The following RIMS2 variants were observed in gnomAD, a reference collection of about 807,000 sequenced individuals.
RIMS2 encodes regulating synaptic membrane exocytosis 2, also known as regulating synaptic membrane exocytosis protein 2.
A neutral mutation model predicts 174.4 loss-of-function variants in RIMS2; 59 were observed. The ratio of observed to expected loss-of-function variants is 0.34; its 90% CI spans 0.27 to 0.42. The LOEUF is 0.42. Among genes scored for constraint, RIMS2 ranks in the 10% least tolerant of loss-of-function variants. The pLI is 1.00. For synonymous variants in RIMS2, 606 were observed against 572.5 expected (o/e 1.06, Z -0.84); for missense variants, 1,620 against 1,666.3 (o/e 0.97, Z 0.48).
intron 19 of RIMS2, among the ~76,000 whole-genome samples, chr8:104,151,193 G>T (rs2134091403): frequency 6.6e-6 from 1 of 152,258 alleles, no homozygotes; most frequent in Admixed American, 6.5e-5. Flanking sequence ...GGAGGTGAAG[G>T]AGAGAAAATT....
At chr8:103,647,896 A>ATTTTTTTTTTTTTT (rs71297225) in intron 1 of RIMS2, among the ~76,000 whole-genome samples, 10 of 114,572 alleles carry the variant, frequency 8.7e-5, no homozygotes, top group Non-Finnish European at 1.5e-4. Flanking sequence ...TTTTTTTTTG[A>ATTTTTTTTTTTTTT]TTTTTTTTTT....
At chr8:103,612,209 T>G (rs1256567592) in intron 1 of RIMS2, among the ~76,000 whole-genome samples, 1 of 152,212 alleles carries the variant, frequency 6.6e-6, no homozygotes, top group African/African-American at 2.4e-5. Context: ...TTGAATTTCT[T>G]TGAGTTTTCT....
chr8:104,063,531 G>A lies in RIMS2; in HGVS notation c.3334+48916G>A, dbSNP rs958453248. Among the ~76,000 whole-genome samples, 27 of 152,144 alleles carry A rather than the reference G, an allele frequency of 1.8e-4. 1 individual carries two copies. The highest frequency in any genetic ancestry group is 3.1e-4 in the Non-Finnish European group (21 of 68,028). Reference sequence around the variant, plus strand: ...GAAGAGATGGGGTAAGGAATAGAGGGAATGTTTTTAAGTAATTAAATTACC... The same window carrying A: ...GAAGAGATGGGGTAAGGAATAGAGGAAATGTTTTTAAGTAATTAAATTACC... On this transcript the variant is annotated intron_variant, in intron 19 of 23. Coordinates refer to ENST00000504942, the Ensembl canonical transcript of RIMS2.
rs761232109 is a variant in RIMS2, at chr8:103,800,828, T to C, written c.698+34291T>C. Among the ~76,000 whole-genome samples the C allele has an allele frequency of 2.6e-5, 4 of 152,196 alleles. No homozygotes were observed. The South Asian group carries it at 8.3e-4, about 31-fold the overall frequency. ...CATCATTGATTTAATCAGGGAATGC[T>C]GGCCTCCTAAGATAAGTTAGGAAAT... is the stretch of plus-strand genomic sequence containing the variant. On this transcript the variant is annotated intron_variant, in intron 3 of 23. Transcript: ENST00000504942.
chr8:103,606,658 G>C (rs1011597473), intron 1 of RIMS2, among the ~76,000 whole-genome samples: 17 of 152,238 alleles, frequency 1.1e-4, no homozygotes, highest in East Asian at 3.9e-4. Flanking sequence ...AGGTCACTCA[G>C]GACTTGCTCT....
intron 19 of RIMS2, among the ~76,000 whole-genome samples, chr8:104,170,183 T>A (rs1237014072): frequency 2.0e-5 from 3 of 152,120 alleles, no homozygotes; most frequent in Non-Finnish European, 2.9e-5. Context: ...TAAGTTCGTT[T>A]GTTCTATGGT....
rs2096560595 is a variant in RIMS2, at chr8:103,658,690, G to A, written c.177-38396G>A. Among the ~76,000 whole-genome samples, 3 of 152,176 alleles carry A rather than the reference G, an allele frequency of 2.0e-5. No individual in the cohort carries two copies. The South Asian group carries it at 6.2e-4, about 32-fold the overall frequency. ...GGGTCAACGTTTTGGAGCTTTTAAT[G>A]GAAGTGCTAATTATTAGCATGACTT... On this transcript the variant is annotated intron_variant, in intron 1 of 23. Transcript: ENST00000504942.
At chr8:103,955,123 A>G (rs1315355036) in intron 14 of RIMS2, among the ~76,000 whole-genome samples, 1 of 152,166 alleles carries the variant, frequency 6.6e-6, no homozygotes, top group Non-Finnish European at 1.5e-5. Context: ...TACCCAATCA[A>G]AAAAAGTCCA....
intron 2 of RIMS2, among the ~76,000 whole-genome samples, chr8:103,706,308 T>C (rs1442173927): frequency 6.6e-6 from 1 of 152,192 alleles, no homozygotes; most frequent in Non-Finnish European, 1.5e-5. Context: ...GGTAAACTTT[T>C]AGTCTTCATA....
intron 3 of RIMS2, chr8:103,819,774 C>G (rs978693069): frequency 1.0e-5 from 6 of 579,486 alleles, no homozygotes; most frequent in Non-Finnish European, 1.7e-5. Flanking sequence ...ATATAGCATT[C>G]TTAATTTGAT....
At chr8:103,595,868 CT>C (rs971268095) in intron 1 of RIMS2, among the ~76,000 whole-genome samples, 5 of 151,860 alleles carry the variant, frequency 3.3e-5, no homozygotes, top group African/African-American at 7.2e-5. Context: ...CCTCTTCCAT[CT>C]TTTTTTTCCT....
At chr8:103,925,777 G>T (rs574382665) in intron 10 of RIMS2, among the ~76,000 whole-genome samples, 1 of 151,574 alleles carries the variant, frequency 6.6e-6, no homozygotes, top group East Asian at 1.9e-4. Flanking sequence ...GAGTGATTAC[G>T]TAAAGTTCAG....
intron 19 of RIMS2, chr8:104,094,643 AAC>A (rs2097724312): frequency 1.4e-6 from 1 of 702,112 alleles, no homozygotes; most frequent in Non-Finnish European, 2.6e-6. Context: ...ACGAGGAAAA[AAC>A]ACAAGATATA....
intron 3 of RIMS2, among the ~76,000 whole-genome samples, chr8:103,804,305 T>C (rs1331646729): frequency 1.3e-5 from 2 of 152,180 alleles, no homozygotes; most frequent in East Asian, 1.9e-4. Flanking sequence ...TTTAGTATTA[T>C]GCATATAGGT....
At chr8:103,992,274 A>ATTT (rs1186537194) in intron 17 of RIMS2, among the ~76,000 whole-genome samples, 3,581 of 106,842 alleles carry the variant, frequency 0.034, 143 homozygotes, top group African/African-American at 0.074. Context: ...ATGTCCAGCT[A>ATTT]TTTTTTTTTT....
chr8:104,248,931 C>G (rs62508133), intron 21 of RIMS2, 118 bp downstream of exon 27: 2 of 498,592 alleles, frequency 4.0e-6, no homozygotes, highest in Non-Finnish European at 6.6e-6. Context: ...CTCTCTCCCT[C>G]TATTTTTTTT....
At position 103,988,691 on chromosome 8, in the gene RIMS2, C is replaced by T. The variant is rs550082996; in HGVS notation, c.2928-614C>T. Among the ~76,000 whole-genome samples the T allele has an allele frequency of 1.6e-3, 239 of 152,222 alleles. 4 individuals carry two copies. Among genetic ancestry groups the T allele is most frequent in the Middle Eastern group, 3.4e-3 (1 of 294 alleles). On this transcript the variant is annotated intron_variant, in intron 16 of 23. Coordinates refer to ENST00000504942, the Ensembl canonical transcript of RIMS2. Reference sequence around the variant, plus strand: ...GTCAGGCTGGTCTCGAACTCCCGACCTCACGTGATCTGCCCACCTCAGCCT... The same window carrying T: ...GTCAGGCTGGTCTCGAACTCCCGACTTCACGTGATCTGCCCACCTCAGCCT...
chr8:103,532,479 C>T (rs943069508), intron 1 of RIMS2, among the ~76,000 whole-genome samples: 9 of 152,184 alleles, frequency 5.9e-5, no homozygotes, highest in Admixed American at 4.6e-4. Context: ...CTGATCCATT[C>T]TGTGGTTTTG....
chr8:103,534,030 C>G (rs1428951932), intron 1 of RIMS2, among the ~76,000 whole-genome samples: 2 of 152,166 alleles, frequency 1.3e-5, no homozygotes, highest in African/African-American at 4.8e-5. Flanking sequence ...TGACGTTGAA[C>G]TGTTTCTGAA....
Sources: gnomAD v4.1 joint callset for allele counts (sites outside exome capture counted in the v4.1 genomes callset) on GRCh38, gnomAD v4.1.1 for gene constraint, MANE v1.5 for transcripts, NCBI Gene and HGNC (gene_info 2026-07-23, HGNC 2026-07-21) for gene names.